Variants in TMEM255B observed in about 807,000 individuals in gnomAD.
The protein encoded by TMEM255B is family with sequence similarity 70, member B.
Under a neutral mutation model 34.5 loss-of-function variants are expected in TMEM255B, and 35 were observed. That is an observed-to-expected ratio of 1.01 (90% CI 0.77 to 1.34). The LOEUF is 1.34. Ranked by LOEUF, TMEM255B falls within the 40% of genes most tolerant of loss-of-function variation. The pLI is 0.00. For missense variants in TMEM255B, 432 were observed against 433.2 expected, an observed-to-expected ratio of 1.00 and a Z score of 0.02; for synonymous variants, 206 against 201.2, an observed-to-expected ratio of 1.02 and a Z score of -0.20.
chr13:113,798,857 G>T (rs1372197731), intron 4 of TMEM255B, among the ~76,000 whole-genome samples: 2 of 152,290 alleles, frequency 1.3e-5, no homozygotes, highest in East Asian at 3.9e-4. Context: ...TGGATGCACA[G>T]ATGATTGATT....
At chr13:113,768,168 G>A (rs766514052) in intron 2 of TMEM255B, 7 of 469,060 alleles carry the variant, frequency 1.5e-5, no homozygotes, top group Non-Finnish European at 1.8e-5. Flanking sequence ...ACTGGGAAGT[G>A]CGACCGGCCC....
At chr13:113,796,868 A>G (rs922485589) in intron 4 of TMEM255B, among the ~76,000 whole-genome samples, 4 of 152,202 alleles carry the variant, frequency 2.6e-5, no homozygotes, top group African/African-American at 9.7e-5. Context: ...CGGTTTCATT[A>G]TATGAAGGCA....
rs537259403 is a variant in TMEM255B at position 113,786,142 on chromosome 13, C to T, written c.253-9006C>T. Among the ~76,000 whole-genome samples, 8 of 152,318 alleles carry T rather than the reference C, an allele frequency of 5.3e-5. No individual in the cohort carries two copies. In the South Asian group the frequency reaches 1.7e-3, roughly 32 times the overall value. ...GGGATTCTAGCCAGAGAACCATGGG[C>T]CACCATCATCACCATCCCCACTGTC... On this transcript the variant is annotated intron_variant, in intron 3 of 8. Transcript: ENST00000375353.
rs142224475 is a variant in TMEM255B, at chr13:113,806,865, C to T, written c.813+1837C>T. Among the ~76,000 whole-genome samples, 34 of 151,354 alleles carry T rather than the reference C, an allele frequency of 2.2e-4. No homozygotes were observed. Among genetic ancestry groups the T allele is most frequent in the African/African-American group, 7.0e-4 (29 of 41,456 alleles). ...GCAGGGGCAGAGGTATCTCCAGGGA[C>T]GCTGGGCCTGCAGGTGCTCCCCAAG... On this transcript the variant is annotated intron_variant, in intron 8 of 8. Coordinates refer to ENST00000375353, the MANE Select transcript of TMEM255B (RefSeq NM_182614.4). This position sits in a 1 kb window ranked among gnomAD's most constrained non-coding sequence, Gnocchi z 4.2.
intron 5 of TMEM255B, chr13:113,799,652 A>G (rs2051006280): frequency 7.8e-6 from 5 of 637,130 alleles, no homozygotes; most frequent in Middle Eastern, 2.5e-4. Context: ...AAATCACAAC[A>G]GTCTCAGAGT....
In TMEM255B at chr13:113,770,624, A is replaced by T. The variant is rs572840283; in HGVS notation, c.252+1464A>T. On this transcript the variant is annotated intron_variant, in intron 3 of 8. Coordinates refer to ENST00000375353, the MANE Select transcript of TMEM255B (RefSeq NM_182614.4). This position sits in a 1 kb window ranked among gnomAD's most constrained non-coding sequence, Gnocchi z 4.6. ...GCTGCCGTTCTTGGCTAGCAGTTGC[A>T]AAGAGACGGAGAGATAGGCCCGGCA... Among the ~76,000 whole-genome samples the T allele has an allele frequency of 1.3e-5, 2 of 152,324 alleles. No homozygotes were observed. The highest frequency in any genetic ancestry group is 2.1e-4 in the South Asian group (1 of 4,826).
chr13:113,795,028 G>C (rs888518657), intron 3 of TMEM255B, 120 bp from the exon 4 acceptor site: 3 of 851,830 alleles, frequency 3.5e-6, no homozygotes, highest in Non-Finnish European at 5.7e-6. Context: ...GAAAGGTAGA[G>C]GTGAGAAGAG....
chr13:113,778,758 C>T (rs1388139539), intron 3 of TMEM255B, among the ~76,000 whole-genome samples: 1 of 152,220 alleles, frequency 6.6e-6, no homozygotes, highest in African/African-American at 2.4e-5. Context: ...CCGGATTTCA[C>T]TCAACTGCCT....
chr13:113,773,092 T>TA (rs1457972748), intron 3 of TMEM255B, among the ~76,000 whole-genome samples: 1 of 152,236 alleles, frequency 6.6e-6, no homozygotes, highest in East Asian at 1.9e-4. Context: ...TTGTAGTTCT[T>TA]AGAGTATAAG....
chr13:113,813,048 A>G lies in TMEM255B; in HGVS notation c.*1145A>G, dbSNP rs1420542625. On this transcript the variant is annotated 3_prime_UTR_variant, in exon 9 of 9. Transcript: ENST00000375353. ...GGTGGGTCACAGGCGCCCCAGTGAC[A>G]GGAGTTCAGGATGCGCCACCCCAAA... The G allele has an allele frequency of 6.7e-6, 1 of 149,420 alleles. No homozygotes were observed. Among genetic ancestry groups the G allele is most frequent in the Non-Finnish European group, 1.5e-5 (1 of 67,550 alleles). The allele number at this position is 149,420 out of a possible 1,614,324, so 9.3% of individuals were successfully genotyped here.
At chr13:113,785,089 G>T in intron 3 of TMEM255B, among the ~76,000 whole-genome samples, 1 of 152,266 alleles carries the variant, frequency 6.6e-6, no homozygotes, top group Non-Finnish European at 1.5e-5. Flanking sequence ...TTTTATTGCA[G>T]GGTTGGAATG....
intron 3 of TMEM255B, among the ~76,000 whole-genome samples, chr13:113,776,350 A>G (rs2050577501): frequency 6.6e-6 from 1 of 152,116 alleles, no homozygotes; most frequent in Admixed American, 6.5e-5. Flanking sequence ...CTGAGCTTGG[A>G]GGCCTGTGGG....
At chr13:113,774,638 C>T (rs373365722) in intron 3 of TMEM255B, among the ~76,000 whole-genome samples, 9 of 92,266 alleles carry the variant, frequency 9.8e-5, no homozygotes, top group African/African-American at 2.5e-4. Flanking sequence ...ATACCACACA[C>T]CACACACACT....
chr13:113,808,107 A>G (rs781541408), intron 8 of TMEM255B, among the ~76,000 whole-genome samples: 5 of 152,192 alleles, frequency 3.3e-5, no homozygotes, highest in African/African-American at 4.8e-5. Context: ...TCAGAAGAAC[A>G]ATGGAGGAGG....
intron 8 of TMEM255B, among the ~76,000 whole-genome samples, chr13:113,809,782 A>G (rs1232915800): frequency 6.6e-6 from 1 of 151,970 alleles, no homozygotes; most frequent in Non-Finnish European, 1.5e-5. Flanking sequence ...CCTGGGGTTT[A>G]CCCCTTAGTT....
At chr13:113,782,250 T>C (rs1033013841) in intron 3 of TMEM255B, among the ~76,000 whole-genome samples, 1 of 152,226 alleles carries the variant, frequency 6.6e-6, no homozygotes, top group African/African-American at 2.4e-5. Context: ...AGACACAAAT[T>C]ATTTAACCTT....
At chr13:113,782,867 T>C (rs1311744318) in intron 3 of TMEM255B, among the ~76,000 whole-genome samples, 1 of 152,150 alleles carries the variant, frequency 6.6e-6, no homozygotes. Flanking sequence ...GACTTTTCTT[T>C]CGGGTTATCA....
chr13:113,804,194 C>G (rs1051104981), intron 7 of TMEM255B, among the ~76,000 whole-genome samples: 3 of 152,218 alleles, frequency 2.0e-5, no homozygotes, highest in Non-Finnish European at 4.4e-5. Context: ...TGAGGCCGGC[C>G]GGGGCCTGAG....
At chr13:113,788,793 T>A (rs984624023) in intron 3 of TMEM255B, among the ~76,000 whole-genome samples, 3 of 152,066 alleles carry the variant, frequency 2.0e-5, no homozygotes, top group Non-Finnish European at 4.4e-5. Flanking sequence ...GCCTGGGCCC[T>A]GCCGCTGCCC....
Sources: gnomAD v4.1 joint callset for allele counts (sites outside exome capture counted in the v4.1 genomes callset) on GRCh38, gnomAD v4.1.1 for gene constraint, Gnocchi (gnomAD v3.1) non-coding constraint, MANE v1.5 for transcripts, NCBI Gene and HGNC (gene_info 2026-07-23, HGNC 2026-07-21) for gene names.